The following LRRC45 variants were observed in gnomAD, a reference collection of about 807,000 sequenced individuals.
LRRC45 encodes leucine rich repeat containing 45.
LRRC45 carries 73 observed loss-of-function variants against 85.4 expected under a neutral mutation model. The observed-to-expected ratio is 0.85, with a 90% CI of 0.71 to 1.04. The LOEUF is 1.04. LRRC45 is among the 50% of genes least tolerant of loss of function. The pLI, the probability that LRRC45 is intolerant of heterozygous loss-of-function variation, is 0.00. For synonymous variants in LRRC45, 429 were observed against 386.0 expected (o/e 1.11, Z -1.31); for missense variants, 937 against 883.3 (o/e 1.06, Z -0.77).
At position 82,030,785 on chromosome 17, in the gene LRRC45, A is replaced by G. The variant is rs116028054; in HGVS notation, c.1993A>G (p.Thr665Ala). The part of the protein sequence containing the change: ...LAYVQASPVR[T>A]LSPPK ...TTACGTGCAGGCGTCCCCCGTGAGGACCCTGAGCCCCCCAAAGTGAGACAG... is the reference window on the plus strand; with the variant it reads ...TTACGTGCAGGCGTCCCCCGTGAGGGCCCTGAGCCCCCCAAAGTGAGACAG... The change falls in exon 17 of 17, where the codon ACC becomes GCC. Residue 665 changes from threonine to alanine, a missense_variant. Physicochemically the swap from Thr to Ala is moderately conservative, Grantham distance 58. Coordinates refer to ENST00000306688, the MANE Select transcript of LRRC45 (RefSeq NM_144999.4). The G allele has an allele frequency of 5.1e-4, 709 of 1,395,876 alleles. 2 individuals are homozygous for G. In the African/African-American group the frequency reaches 9.2e-3, roughly 18 times the overall value. The allele number at this position is 1,395,876 out of a possible 1,614,324, so 86.5% of individuals were successfully genotyped here. A position where few individuals can be genotyped will look rare whatever the true frequency, so the allele number is the denominator to read the frequency against.
In LRRC45 at chr17:82,026,992, GGGA is replaced by G. The variant is rs757236265; in HGVS notation, c.760_762del (p.Glu254del). 6.2e-6 allele frequency: 10 copies of G among 1,601,676 alleles called. No individual in the cohort carries two copies. The African/African-American group carries it at 1.1e-4, about 17-fold the overall frequency. ...CTCAGCAAGGAGGTCCAGCACCTCC[GGGA>G]GGAGAAGTCCAAGCAGGTGAGGATG... On this transcript the variant is annotated inframe_deletion, in exon 6 of 17. Transcript: ENST00000306688.
At position 82,028,272 on chromosome 17, in the gene LRRC45, G is replaced by A. The variant is rs532734054; in HGVS notation, c.1086G>A (p.Leu362=). The change falls in exon 10 of 17, where the codon TTG becomes TTA. Residue 362 remains leucine (L), a synonymous_variant. Transcript: ENST00000306688. ...AERESKLLRD[L]SAANEKNLLL... Reference sequence around the variant, plus strand: ...GGGAGTCTAAACTCCTCAGAGACTTGTCTGCTGCCAATGAAAAGAACCTGC... The same window carrying A: ...GGGAGTCTAAACTCCTCAGAGACTTATCTGCTGCCAATGAAAAGAACCTGC... The A allele has an allele frequency of 3.7e-5, 58 of 1,582,222 alleles. No individual in the cohort carries two copies. Among genetic ancestry groups the A allele is most frequent in the Non-Finnish European group, 4.8e-5 (56 of 1,164,356 alleles).
At position 82,028,606 on chromosome 17, in the gene LRRC45, C is replaced by T; in HGVS notation, c.1238-7C>T. The T allele has an allele frequency of 1.2e-6, 2 of 1,612,796 alleles. No homozygotes were observed. The highest frequency in any genetic ancestry group is 1.7e-6 in the Non-Finnish European group (2 of 1,179,942). On this transcript the variant is annotated splice_polypyrimidine_tract_variant and splice_region_variant and intron_variant, in intron 11 of 16. Transcript: ENST00000306688. ...TCACGCATACTCTGCCCACCCTGGGCTTCCAGAGCGCCTGGACATGGAGAA... is the reference window on the plus strand; with the variant it reads ...TCACGCATACTCTGCCCACCCTGGGTTTCCAGAGCGCCTGGACATGGAGAA...
intron 13 of LRRC45, 121 bp downstream of exon 13, chr17:82,029,306 C>A: frequency 9.3e-7 from 1 of 1,071,478 alleles, no homozygotes; most frequent in Non-Finnish European, 1.3e-6. Flanking sequence ...GCTCATAGGC[C>A]CCACCTTGGG....
chr17:82,026,597 T>TGTGTGTGTGA (rs1362768818), intron 5 of LRRC45, among the ~76,000 whole-genome samples: 1 of 151,566 alleles, frequency 6.6e-6, no homozygotes, highest in Admixed American at 6.6e-5. Flanking sequence ...TGTGTGTGTG[T>TGTGTGTGTGA]GTGACTGAGT....
rs1253870857 is a variant in LRRC45 at position 82,030,539 on chromosome 17, G to T, written c.1817-70G>T. 5 of 1,504,510 alleles carry T rather than the reference G, an allele frequency of 3.3e-6. No homozygotes were observed. In the African/African-American group the frequency reaches 4.2e-5, roughly 13 times the overall value. 93.2% of individuals were successfully genotyped at this position (1,504,510 alleles called of 1,614,324 possible). Reference sequence around the variant, plus strand: ...CCAGCCAGAGAGCGGGGCTGGCCAGGTCTCCCGTGCTGAGGCCGTGCCACG... The same window carrying T: ...CCAGCCAGAGAGCGGGGCTGGCCAGTTCTCCCGTGCTGAGGCCGTGCCACG... On this transcript the variant is annotated intron_variant, in intron 16 of 16. Transcript: ENST00000306688.
chr17:82,024,987 G>A lies in LRRC45; in HGVS notation c.354-13G>A, dbSNP rs959870087. 1.3e-6 allele frequency: 2 copies of A among 1,551,424 alleles called. No homozygotes were observed. Among genetic ancestry groups the A allele is most frequent in the Non-Finnish European group, 8.7e-7 (1 of 1,146,662 alleles). ...GTCCCCTAGGTGAACACTGGCTTCT[G>A]CCCCTCCTGCAGCCTCACGCTGGAG... On this transcript the variant is annotated splice_polypyrimidine_tract_variant and intron_variant, in intron 3 of 16. Transcript: ENST00000306688.
At chr17:82,027,985 G>A (rs756909158) in intron 8 of LRRC45, 26 bp from the exon 9 acceptor site, 15 of 1,579,780 alleles carry the variant, frequency 9.5e-6, no homozygotes, top group Non-Finnish European at 1.3e-5. Flanking sequence ...CAACCGGGGC[G>A]GGGGTGCTGC....
At position 82,030,917 on chromosome 17, in the gene LRRC45, A is replaced by T; in HGVS notation, c.*112A>T. 1 of 845,550 alleles carries T rather than the reference A, an allele frequency of 1.2e-6. No individual in the cohort carries two copies. Among genetic ancestry groups the T allele is most frequent in the Non-Finnish European group, 1.6e-6 (1 of 623,806 alleles). 52.4% of individuals were successfully genotyped at this position (845,550 alleles called of 1,614,324 possible). A position where few individuals can be genotyped will look rare whatever the true frequency, so the allele number is the denominator to read the frequency against. ...CTTTGAGACCCGGGTCGTCTGTTCC[A>T]CGCGGCGGTTGCGGCGACTGTTGGT... On this transcript the variant is annotated 3_prime_UTR_variant, in exon 17 of 17. Coordinates refer to ENST00000306688, the MANE Select transcript of LRRC45 (RefSeq NM_144999.4).
intron 1 of LRRC45, 135 bp from the exon 2 acceptor site, chr17:82,024,143 C>G (rs1438925329): frequency 9.4e-7 from 1 of 1,061,612 alleles, no homozygotes; most frequent in Admixed American, 2.6e-5. Flanking sequence ...CAGCGAGACT[C>G]TTGGCCAGCG....
rs2043410941 is a variant in LRRC45 at position 82,030,619 on chromosome 17, C to G, written c.1827C>G (p.Ser609Arg). The G allele has an allele frequency of 7.2e-7, 1 of 1,394,132 alleles. No individual in the cohort carries two copies. Among genetic ancestry groups the G allele is most frequent in the South Asian group, 1.6e-5 (1 of 62,190 alleles). 86.4% of individuals were successfully genotyped at this position (1,394,132 alleles called of 1,614,324 possible). ...ALERQLKVMA[S>R]DHREALLDRE... ...CTCCTTGCCCTGCAGTGATGGCGAG[C>G]GACCACCGAGAGGCGCTGCTGGACA... Residue 609 changes from serine (S) to arginine (R), a missense_variant, in exon 17 of 17, where the codon AGC (serine) becomes AGG (arginine). Coordinates refer to ENST00000306688, the MANE Select transcript of LRRC45 (RefSeq NM_144999.4).
At chr17:82,029,321 C>A in intron 13 of LRRC45, 136 bp downstream of exon 13, 1 of 964,752 alleles carries the variant, frequency 1.0e-6, no homozygotes, top group Non-Finnish European at 1.5e-6. Flanking sequence ...CTTGGGGACC[C>A]ACCCACCAGT....
At chr17:82,023,941 C>G in intron 1 of LRRC45, 78 bp downstream of exon 1, 1 of 1,294,636 alleles carries the variant, frequency 7.7e-7, no homozygotes. Flanking sequence ...AGGTCGCTTC[C>G]TCTCCAGGCT....
rs2043415138 is a variant in LRRC45 at position 82,030,869 on chromosome 17, G to A, written c.*64G>A. ...AGGCGGCGCCCGAGATGGACCAGGG[G>A]CTGCGTCCCGCCCGCGCCGCCTCTT... On this transcript the variant is annotated 3_prime_UTR_variant, in exon 17 of 17. Coordinates refer to ENST00000306688, the MANE Select transcript of LRRC45 (RefSeq NM_144999.4). 1 of 1,187,004 alleles carries A rather than the reference G, an allele frequency of 8.4e-7. No individual in the cohort carries two copies. Among genetic ancestry groups the A allele is most frequent in the South Asian group, 3.6e-5 (1 of 27,618 alleles). The allele number at this position is 1,187,004 out of a possible 1,614,324, so 73.5% of individuals were successfully genotyped here.
rs781310539 is a variant in LRRC45, at chr17:82,030,798, C to G, written c.2006C>G (p.Pro669Arg). 5 of 1,364,768 alleles carry G rather than the reference C, an allele frequency of 3.7e-6. No homozygotes were observed. In the African/African-American group the frequency reaches 4.5e-5, roughly 12 times the overall value. The allele number at this position is 1,364,768 out of a possible 1,614,324, so 84.5% of individuals were successfully genotyped here. A position where few individuals can be genotyped will look rare whatever the true frequency, so the allele number is the denominator to read the frequency against. The change falls in exon 17 of 17, where the codon CCA becomes CGA. Residue 669 changes from proline (P) to arginine (R), a missense_variant. Coordinates refer to ENST00000306688, the MANE Select transcript of LRRC45 (RefSeq NM_144999.4). The part of the protein sequence containing the change: ...QASPVRTLSP[P>R]K Reference sequence around the variant, plus strand: ...TCCCCCGTGAGGACCCTGAGCCCCCCAAAGTGAGACAGGCCGGGAGGACCC... The same window carrying G: ...TCCCCCGTGAGGACCCTGAGCCCCCGAAAGTGAGACAGGCCGGGAGGACCC...
At position 82,030,945 on chromosome 17, in the gene LRRC45, T is replaced by C. The variant is rs2043416334; in HGVS notation, c.*140T>C. 2 of 613,670 alleles carry C rather than the reference T, an allele frequency of 3.3e-6. No homozygotes were observed. The highest frequency in any genetic ancestry group is 8.7e-5 in the Admixed American group (2 of 23,016). The allele number at this position is 613,670 out of a possible 1,614,324, so 38.0% of individuals were successfully genotyped here. On this transcript the variant is annotated 3_prime_UTR_variant, in exon 17 of 17. Coordinates refer to ENST00000306688, the MANE Select transcript of LRRC45 (RefSeq NM_144999.4). ...CGGCGGTTGCGGCGACTGTTGGTGG[T>C]GTCGCGGCTGCGGGGGAACCCCGTG...
rs1442672784 is a variant in LRRC45, at chr17:82,025,057, C to T, written c.411C>T (p.Cys137=). The T allele has an allele frequency of 7.5e-6, 12 of 1,608,448 alleles. No individual in the cohort carries two copies. The highest frequency in any genetic ancestry group is 4.5e-5 in the East Asian group (2 of 44,740). The change falls in exon 4 of 17, where the codon TGC becomes TGT. Residue 137 remains cysteine, a synonymous_variant. Transcript: ENST00000306688. ...GTWDDAFATF[C]GGLAANGALQ... The stretch of plus-strand genomic sequence containing the variant: ...GGGACGATGCCTTCGCCACCTTCTG[C>T]GGGGGCCTGGCGGCCAACGGCGCCC...
rs1294267405 is a variant in LRRC45 at position 82,029,138 on chromosome 17, C to G, written c.1354C>G (p.Gln452Glu). ...CCTGGAGGAGAGTGAGAAGGCCATG[C>G]AGGAGCGGGTGCAGAGGCTGGAGGC... ...RHLEESEKAMQERVQRLEAAR... is the reference protein window; with the variant it reads ...RHLEESEKAMEERVQRLEAAR... The change falls in exon 13 of 17, where the codon CAG becomes GAG. Residue 452 changes from glutamine to glutamate, a missense_variant. By Grantham distance (29) the Gln-to-Glu change is conservative. Transcript: ENST00000306688. 6 of 1,612,600 alleles carry G rather than the reference C, an allele frequency of 3.7e-6. No homozygotes were observed. Among genetic ancestry groups the G allele is most frequent in the Admixed American group, 1.7e-5 (1 of 60,000 alleles).
Position 82,027,445 on chromosome 17 carries a change from G to A in LRRC45, c.833+1G>A. On this transcript the variant is annotated splice_donor_variant, in intron 7 of 16. Coordinates refer to ENST00000306688, the MANE Select transcript of LRRC45 (RefSeq NM_144999.4). LOFTEE classifies it high-confidence loss of function. ...GAGAAGAGATGGCCAAGAGCAGCAG[G>A]TGAGCGGGCCCAGGGCAGGGGCAGG... is the stretch of plus-strand genomic sequence containing the variant. 2.5e-6 allele frequency: 4 copies of A among 1,612,734 alleles called. No homozygotes were observed. Among genetic ancestry groups the A allele is most frequent in the Non-Finnish European group, 3.4e-6 (4 of 1,179,974 alleles).
Sources: gnomAD v4.1 joint callset for allele counts (sites outside exome capture counted in the v4.1 genomes callset) on GRCh38, gnomAD v4.1.1 for gene constraint, MANE v1.5 for transcripts, NCBI Gene and HGNC (gene_info 2026-07-23, HGNC 2026-07-21) for gene names.